Variants in WT1 observed in about 807,000 individuals in gnomAD.
WT1 encodes WT1 transcription factor, also known as Wilms tumor protein.
In WT1, 8 loss-of-function variants were observed where a neutral mutation model predicts 60.8. The observed-to-expected ratio is 0.13, with a 90% CI of 0.08 to 0.24. The LOEUF (loss-of-function observed/expected upper bound fraction) is 0.24. Among genes scored for constraint, WT1 ranks in the 10% least tolerant of loss-of-function variants. The pLI is 1.00. For missense variants in WT1, 568 were observed against 711.8 expected (o/e 0.80, Z 2.30); for synonymous variants, 312 against 297.1 (o/e 1.05, Z -0.52).
chr11:32,392,880 G>A, intron 7 of WT1, 125 bp from the exon 8 acceptor site: 1 of 798,102 alleles, frequency 1.3e-6, no homozygotes, highest in Middle Eastern at 3.0e-4. Context: ...GAGCTTGTTA[G>A]GGTAGGATGA....
At chr11:32,392,556 C>G (rs1851848130) in intron 8 of WT1, 110 bp downstream of exon 8, 1 of 1,094,322 alleles carries the variant, frequency 9.1e-7, no homozygotes, top group Non-Finnish European at 1.4e-6. Flanking sequence ...ACTGGAAAAA[C>G]TAAACACATG....
intron 5 of WT1, among the ~76,000 whole-genome samples, chr11:32,402,650 T>C (rs992624057): frequency 6.6e-6 from 1 of 152,222 alleles, no homozygotes; most frequent in African/African-American, 2.4e-5. Context: ...GGCTCAATTG[T>C]TCCTCCTGCT....
At chr11:32,430,530 C>G in intron 1 of WT1, 1 of 1,601,006 alleles carries the variant, frequency 6.2e-7, no homozygotes, top group South Asian at 1.1e-5. Context: ...CTAGACGAAC[C>G]CTTCTCCATT....
chr11:32,397,114 A>G (rs1851998257), intron 6 of WT1, among the ~76,000 whole-genome samples: 1 of 152,174 alleles, frequency 6.6e-6, no homozygotes, highest in African/African-American at 2.4e-5. Context: ...GTGGAAGTGC[A>G]GTGTGTGTGT....
intron 1 of WT1, chr11:32,430,486 G>GAGAGAGAGAGAGACAGAGAC (rs761622301): frequency 6.4e-7 from 1 of 1,570,744 alleles, no homozygotes; most frequent in African/African-American, 1.5e-5. Flanking sequence ...GAGAGAGAGA[G>GAGAGAGAGAGAGACAGAGAC]AGAGACGAAA....
At chr11:32,428,318 C>A (rs1035598084) in intron 2 of WT1, among the ~76,000 whole-genome samples, 179 bp downstream of exon 2, 3 of 152,246 alleles carry the variant, frequency 2.0e-5, no homozygotes, top group Non-Finnish European at 4.4e-5. Context: ...CCCTAACGTA[C>A]TTGGGATGGA....
chr11:32,425,576 A>G (rs1156741624), intron 3 of WT1, among the ~76,000 whole-genome samples: 1 of 152,196 alleles, frequency 6.6e-6, no homozygotes, highest in Non-Finnish European at 1.5e-5. Flanking sequence ...TCATCTTTAG[A>G]CTGCAAGGGA....
At chr11:32,394,066 A>T (rs370795048) in intron 7 of WT1, among the ~76,000 whole-genome samples, 11 of 152,104 alleles carry the variant, frequency 7.2e-5, no homozygotes, top group African/African-American at 1.9e-4. Flanking sequence ...CTAAATTTTT[A>T]AAAATATTTT....
At chr11:32,411,710 C>A (rs1852503379) in intron 5 of WT1, among the ~76,000 whole-genome samples, 1 of 151,968 alleles carries the variant, frequency 6.6e-6, no homozygotes, top group African/African-American at 2.4e-5. Context: ...AAAGAAGAAG[C>A]AGAAAAGTGA....
Position 32,428,701 on chromosome 11 carries a change from G to C in WT1, c.662-82C>G, listed in dbSNP as rs572795819. 21 of 1,556,852 alleles carry C rather than the reference G, an allele frequency of 1.3e-5. 1 individual carries two copies. In the East Asian group the frequency reaches 3.6e-4, roughly 26 times the overall value. On this transcript the variant is annotated intron_variant, in intron 1 of 9. Coordinates refer to ENST00000452863, the MANE Select transcript of WT1 (RefSeq NM_024426.6). ...GTGGGTCTGAACCAGCCACGGGCGG[G>C]GGGGGTGTGCGCTGAACCCCGCATT...
chr11:32,416,438 A>C, intron 5 of WT1, 52 bp downstream of exon 5: 2 of 1,612,582 alleles, frequency 1.2e-6, no homozygotes, highest in Admixed American at 3.3e-5. Context: ...CCCAGGTGCC[A>C]GTCAGCAAGG....
chr11:32,393,271 C>A (rs1036351968), intron 7 of WT1, among the ~76,000 whole-genome samples: 2 of 152,212 alleles, frequency 1.3e-5, no homozygotes, highest in Non-Finnish European at 2.9e-5. Flanking sequence ...GTTCTTGCAT[C>A]AAGCAAATAT....
intron 5 of WT1, among the ~76,000 whole-genome samples, chr11:32,408,619 A>G (rs1489520948): frequency 6.6e-6 from 1 of 151,678 alleles, no homozygotes; most frequent in East Asian, 1.9e-4. Context: ...AAGAAAGAGA[A>G]AGAACAGAAA....
intron 3 of WT1, among the ~76,000 whole-genome samples, chr11:32,425,412 T>C (rs1380932821): frequency 6.6e-6 from 1 of 152,182 alleles, no homozygotes; most frequent in Non-Finnish European, 1.5e-5. Context: ...AATTAAAGTT[T>C]AGTCCTATTT....
intron 3 of WT1, among the ~76,000 whole-genome samples, chr11:32,419,017 C>T (rs1852770376): frequency 2.6e-5 from 4 of 152,144 alleles, no homozygotes. Flanking sequence ...ATCCCCGTGT[C>T]TGACTGGCTA....
intron 9 of WT1, among the ~76,000 whole-genome samples, chr11:32,389,814 A>AT (rs1316723909): frequency 6.6e-6 from 1 of 151,844 alleles, no homozygotes; most frequent in African/African-American, 2.4e-5. Flanking sequence ...TGGTTCTTAG[A>AT]TTTTTAATAA....
rs1554945172 is a variant in WT1, at chr11:32,428,487, G to A, written c.784+10C>T. ...GGGGAGAAGGACTCCACTTGGTTCC[G>A]CTCGCTTACCCAGCGAGCCCTGCTG... is the stretch of plus-strand genomic sequence containing the variant. On this transcript the variant is annotated intron_variant, in intron 2 of 9. Transcript: ENST00000452863. The A allele has an allele frequency of 1.2e-6, 2 of 1,613,948 alleles. No individual in the cohort carries two copies. The highest frequency in any genetic ancestry group is 1.7e-6 in the Non-Finnish European group (2 of 1,180,026).
chr11:32,430,688 A>G, intron 1 of WT1: 1 of 1,424,854 alleles, frequency 7.0e-7, no homozygotes, highest in Admixed American at 2.8e-5. Context: ...ACTCGGGCCC[A>G]AGGATGCCCG....
chr11:32,404,002 GGT>G (rs1387467660), intron 5 of WT1, among the ~76,000 whole-genome samples: 45 of 152,084 alleles, frequency 3.0e-4, no homozygotes, highest in Non-Finnish European at 8.8e-5. Context: ...GGCCGGACAT[GGT>G]GGCTCACGCC....
Sources: allele counts gnomAD v4.1 joint callset (sites outside exome capture counted in the v4.1 genomes callset), GRCh38; gene constraint gnomAD v4.1.1; transcripts MANE v1.5; gene names NCBI Gene and HGNC (gene_info 2026-07-23, HGNC 2026-07-21).